Variants in TTC4 observed in about 807,000 individuals in gnomAD.
TTC4 encodes the protein hsp70/Hsp90 co-chaperone CNS1 homolog.
In TTC4, 36 loss-of-function variants were observed where a neutral mutation model predicts 51.9. The observed-to-expected ratio is 0.69, with a 90% CI of 0.53 to 0.92. TTC4 has a LOEUF of 0.92. Among genes scored for constraint, TTC4 ranks in the 40% least tolerant of loss-of-function variants. The probability of loss-of-function intolerance (pLI) is 0.00; values close to 1 mark genes in which losing one functional copy is unlikely to be tolerated. For synonymous variants in TTC4, 144 were observed against 164.2 expected (o/e 0.88, Z 0.94); for missense variants, 399 against 454.6 (o/e 0.88, Z 1.11).
In TTC4 at chr1:54,730,792, CT is replaced by C. The variant is rs201613633; in HGVS notation, c.682-679del. On this transcript the variant is annotated intron_variant, in intron 6 of 9. Transcript: ENST00000371281. ...AACTAAACTGAAATATTTGACATTTCTTTTTTTTTTTTTTTATCTTTTCTGT... is the reference window on the plus strand; with the variant it reads ...AACTAAACTGAAATATTTGACATTTCTTTTTTTTTTTTTTATCTTTTCTGT... Among the ~76,000 whole-genome samples, 775 of 136,750 alleles carry C rather than the reference CT, an allele frequency of 5.7e-3. 5 individuals are homozygous for C. Among genetic ancestry groups the C allele is most frequent in the African/African-American group, 0.011 (403 of 36,152 alleles). The allele number at this position is 136,750 out of a possible 152,430, so 89.7% of individuals were successfully genotyped here. A position where few individuals can be genotyped will look rare whatever the true frequency, so the allele number is the denominator to read the frequency against.
chr1:54,734,283 G>C (rs1209771277), intron 8 of TTC4, among the ~76,000 whole-genome samples: 1 of 152,158 alleles, frequency 6.6e-6, no homozygotes, highest in Non-Finnish European at 1.5e-5. Context: ...TGTTGGCCAG[G>C]CTGGTCTCGA....
intron 9 of TTC4, among the ~76,000 whole-genome samples, chr1:54,738,661 C>CTTTTTTTTTTTTTT (rs567268643): frequency 7.2e-6 from 1 of 138,828 alleles, no homozygotes; most frequent in Non-Finnish European, 1.5e-5. Context: ...CTAGGATGGC[C>CTTTTTTTTTTTTTT]TTTTTTTTTT....
chr1:54,726,404 C>T (rs1645800035), intron 5 of TTC4, among the ~76,000 whole-genome samples: 1 of 152,080 alleles, frequency 6.6e-6, no homozygotes, highest in African/African-American at 2.4e-5. Context: ...GTAGTAAAAC[C>T]ATCTATATGC....
At chr1:54,741,338 T>G in intron 9 of TTC4, 73 bp from the exon 10 acceptor site, 2 of 1,241,794 alleles carry the variant, frequency 1.6e-6, no homozygotes, top group Non-Finnish European at 1.2e-6. Context: ...ACCTTGCATG[T>G]TGTTAGGAAG....
intron 6 of TTC4, 40 bp downstream of exon 6, chr1:54,728,472 T>C (rs954913788): frequency 8.3e-6 from 13 of 1,566,326 alleles, no homozygotes; most frequent in African/African-American, 8.2e-5. Context: ...TCCTGCTAAA[T>C]CCACTAATCC....
chr1:54,721,112 A>C (rs1175973416), intron 3 of TTC4, 51 bp from the exon 4 acceptor site: 2 of 1,577,904 alleles, frequency 1.3e-6, no homozygotes, highest in Non-Finnish European at 1.7e-6. Context: ...AAAATTTTGG[A>C]AACATTTTGA....
chr1:54,736,363 G>C (rs1386297304), intron 8 of TTC4, among the ~76,000 whole-genome samples: 2 of 151,748 alleles, frequency 1.3e-5, no homozygotes, highest in Non-Finnish European at 2.9e-5. Flanking sequence ...CTTTCTTCTT[G>C]TTCTTTTTTT....
Position 54,721,226 on chromosome 1 carries a change from A to G in TTC4, c.455A>G (p.Lys152Arg). 6.2e-7 allele frequency: 1 copy of G among 1,613,264 alleles called. No individual in the cohort carries two copies. Among genetic ancestry groups the G allele is most frequent in the Non-Finnish European group, 8.5e-7 (1 of 1,179,410 alleles). Reference protein sequence around the residue: ...AARKLKPCHLKAIIRGALCHL... With the variant: ...AARKLKPCHLRAIIRGALCHL... ...AGAAAGCTAAAACCCTGCCACCTCA[A>G]AGCAATAATAAGAGGTAAGTCTTGT... is the stretch of plus-strand genomic sequence containing the variant. Residue 152 changes from lysine (K) to arginine (R), a missense_variant, in exon 4 of 10, where the codon AAA (lysine) becomes AGA (arginine). Physicochemically the swap from Lys to Arg is conservative, Grantham distance 26. This residue lies in a region of TTC4 where 316 missense variants were observed against 349.6 expected (regional missense o/e 0.90). Coordinates refer to ENST00000371281, the MANE Select transcript of TTC4 (RefSeq NM_004623.5).
At position 54,716,687 on chromosome 1, in the gene TTC4, A is replaced by G. The variant is rs368633748; in HGVS notation, c.199A>G (p.Ile67Val). 29 of 1,613,092 alleles carry G rather than the reference A, an allele frequency of 1.8e-5. No homozygotes were observed. Among genetic ancestry groups the G allele is most frequent in the Middle Eastern group, 1.7e-4 (1 of 6,042 alleles). ...ENPDLACLQS[I>V]IFDEERSPEE... ...TCCTGACTTGGCTTGTCTCCAGTCA[A>G]TTATTTTTGATGAGGAGCGTTCTCC... Residue 67 changes from isoleucine to valine, a missense_variant, in exon 2 of 10, where the codon ATT (isoleucine) becomes GTT (valine). By Grantham distance (29) the Ile-to-Val change is conservative. Around this residue, in one of 3 missense-constraint regions of TTC4, gnomAD observed 316 missense variants for 349.6 expected, o/e 0.90. Coordinates refer to ENST00000371281, the MANE Select transcript of TTC4 (RefSeq NM_004623.5).
chr1:54,731,503 C>G lies in TTC4; in HGVS notation c.699C>G (p.Leu233=). 4 of 1,613,888 alleles carry G rather than the reference C, an allele frequency of 2.5e-6. No individual in the cohort carries two copies. Among genetic ancestry groups the G allele is most frequent in the Non-Finnish European group, 3.4e-6 (4 of 1,179,852 alleles). The change falls in exon 7 of 10, where the codon CTC becomes CTG. Residue 233 remains leucine, a synonymous_variant. Transcript: ENST00000371281. ...LQAIKARNIR[L]SEAACEDEDS... Reference sequence around the variant, plus strand: ...TAACCCAGGCTAGGAATATCAGGCTCTCAGAAGCTGCCTGTGAGGATGAAG... The same window carrying G: ...TAACCCAGGCTAGGAATATCAGGCTGTCAGAAGCTGCCTGTGAGGATGAAG...
At chr1:54,730,889 C>G (rs1178065058) in intron 6 of TTC4, among the ~76,000 whole-genome samples, 1 of 151,690 alleles carries the variant, frequency 6.6e-6, no homozygotes, top group East Asian at 1.9e-4. Context: ...CTTCCAACTT[C>G]TCTGCTTTTC....
intron 6 of TTC4, 81 bp from the exon 7 acceptor site, chr1:54,731,401 GTTTC>G (rs768037892): frequency 2.6e-5 from 33 of 1,286,318 alleles, no homozygotes; most frequent in South Asian, 3.2e-5. Context: ...AGGCATTATG[GTTTC>G]TTTATTTCAG....
chr1:54,741,628 A>G lies in TTC4; in HGVS notation c.*115A>G. On this transcript the variant is annotated 3_prime_UTR_variant, in exon 10 of 10. Transcript: ENST00000371281. The stretch of plus-strand genomic sequence containing the variant: ...GTGCTTTCTTTCCGTCACCCTGGGG[A>G]TAGTCCTTCCTGGCATCGTGGTGGG... 1 of 883,730 alleles carries G rather than the reference A, an allele frequency of 1.1e-6. No homozygotes were observed. Among genetic ancestry groups the G allele is most frequent in the Non-Finnish European group, 1.8e-6 (1 of 551,976 alleles). 54.7% of individuals were successfully genotyped at this position (883,730 alleles called of 1,614,324 possible).
At chr1:54,739,337 T>C (rs1339979063) in intron 9 of TTC4, among the ~76,000 whole-genome samples, 4 of 152,200 alleles carry the variant, frequency 2.6e-5, no homozygotes, top group African/African-American at 9.7e-5. Context: ...GAAGAAAGCA[T>C]TGGCTCTTGA....
At chr1:54,716,516 A>C (rs373170164) in intron 1 of TTC4, 84 bp from the exon 2 acceptor site, 1 of 1,074,080 alleles carries the variant, frequency 9.3e-7, no homozygotes, top group Non-Finnish European at 1.4e-6. Flanking sequence ...CATGATGAGT[A>C]AAAAAACTTT....
intron 3 of TTC4, among the ~76,000 whole-genome samples, chr1:54,720,451 T>A (rs1645729693): frequency 6.6e-6 from 1 of 151,778 alleles, no homozygotes; most frequent in Non-Finnish European, 1.5e-5. Flanking sequence ...TTTTTTTTTT[T>A]TAATGCACTT....
At chr1:54,731,401 G>A in intron 6 of TTC4, 85 bp from the exon 7 acceptor site, 1 of 1,286,436 alleles carries the variant, frequency 7.8e-7, no homozygotes, top group Non-Finnish European at 1.1e-6. Flanking sequence ...AGGCATTATG[G>A]TTTCTTTATT....
rs201872885 is a variant in TTC4 at position 54,733,430 on chromosome 1, AT to A, written c.897-198del. 2.7e-3 allele frequency among the ~76,000 whole-genome samples: 384 copies of A among 144,414 alleles called. 1 individual carries two copies. The highest frequency in any genetic ancestry group is 9.9e-3 in the African/African-American group (371 of 37,628). 94.7% of individuals were successfully genotyped at this position (144,414 alleles called of 152,430 possible). On this transcript the variant is annotated intron_variant, in intron 7 of 9. Coordinates refer to ENST00000371281, the MANE Select transcript of TTC4 (RefSeq NM_004623.5). ...CGAGACCCTGTCTCAAAAAAAAAAA[AT>A]AAAATAAAATAAAATAAAATTATGT...
intron 8 of TTC4, among the ~76,000 whole-genome samples, chr1:54,736,031 A>C (rs1645928080): frequency 6.6e-6 from 1 of 152,156 alleles, no homozygotes; most frequent in Non-Finnish European, 1.5e-5. Flanking sequence ...TTTCTAGTGA[A>C]GAATGGTATT....
Sources: gnomAD v4.1 joint callset for allele counts (sites outside exome capture counted in the v4.1 genomes callset) on GRCh38, gnomAD v4.1.1 for gene constraint, gnomAD v4.1.1 regional missense constraint, MANE v1.5 for transcripts, NCBI Gene and HGNC (gene_info 2026-07-23, HGNC 2026-07-21) for gene names.